LMO3: variants seen among roughly 807,000 people sequenced by gnomAD.
LMO3 encodes LIM domain only protein 3.
In LMO3, 2 loss-of-function variants were observed where a neutral mutation model predicts 15.8. That is an observed-to-expected ratio of 0.13 (90% CI 0.05 to 0.40). The LOEUF (loss-of-function observed/expected upper bound fraction) is 0.40, where lower values mean the gene tolerates loss of function less well. Ranked by LOEUF, LMO3 falls within the 10% of genes least tolerant of loss-of-function variation. The pLI is 0.99. For missense variants in LMO3, 86 were observed against 182.2 expected, an observed-to-expected ratio of 0.47 and a Z score of 3.04; for synonymous variants, 62 against 63.8, an observed-to-expected ratio of 0.97 and a Z score of 0.13.
In LMO3 at chr12:16,604,981, T is replaced by G. The variant is rs1943940342; in HGVS notation, c.-9+1085A>C. 8 of 1,597,004 alleles carry G rather than the reference T, an allele frequency of 5.0e-6. No individual in the cohort carries two copies. The South Asian group carries it at 5.5e-5, about 11-fold the overall frequency. ...AGAAGGGGGTCTCCTTGATTTCGCT[T>G]AAGTGTGGACCTGGTGCGCAGCCTA... On this transcript the variant is annotated intron_variant, in intron 1 of 3. Coordinates refer to ENST00000537304, the MANE Select transcript of LMO3 (RefSeq NM_018640.5). This position sits in a 1 kb window ranked among gnomAD's most constrained non-coding sequence, Gnocchi z 5.3.
In LMO3 at chr12:16,599,095, A is replaced by G. The variant is rs1477348059; in HGVS notation, c.206+1560T>C. 4 of 153,302 alleles carry G rather than the reference A, an allele frequency of 2.6e-5. No individual in the cohort carries two copies. The highest frequency in any genetic ancestry group is 5.8e-5 in the Non-Finnish European group (4 of 68,518). The allele number at this position is 153,302 out of a possible 1,614,324, so 9.5% of individuals were successfully genotyped here. On this transcript the variant is annotated intron_variant, in intron 2 of 3. Transcript: ENST00000537304. The surrounding 1 kb of genome is among the most constrained non-coding windows in gnomAD (Gnocchi z 4.1). ...AGCAAATACAAATGCTTTATGTGGA[A>G]ATGAGGCTCTAATTCACAATGGGCA... is the stretch of plus-strand genomic sequence containing the variant.
At chr12:16,608,246 T>C (rs1233904871), upstream of LMO3, 1 of 152,032 alleles carries the variant, frequency 6.6e-6, no homozygotes, top group Non-Finnish European at 1.5e-5. This position sits in a 1 kb window ranked among gnomAD's most constrained non-coding sequence, Gnocchi z 4.1. Context: ...GAGAAGTATG[T>C]GTGGGGAAAG....
At position 16,559,767 on chromosome 12, in the gene LMO3, A is replaced by G. The variant is rs1356347178; in HGVS notation, c.332+646T>C. Among the ~76,000 whole-genome samples the G allele has an allele frequency of 2.6e-5, 4 of 151,322 alleles. No homozygotes were observed. The highest frequency in any genetic ancestry group is 2.6e-4 in the Admixed American group (4 of 15,134). ...GGAGTTTGAGACCAGCCTGGGTAAC[A>G]TAGTGAAACTCCATCATCTCTATAA... is the stretch of plus-strand genomic sequence containing the variant. On this transcript the variant is annotated intron_variant, in intron 3 of 3. Transcript: ENST00000537304. This position sits in a 1 kb window ranked among gnomAD's most constrained non-coding sequence, Gnocchi z 4.1.
intron 2 of LMO3, among the ~76,000 whole-genome samples, chr12:16,566,036 AT>A (rs1942596616): frequency 5.8e-5 from 6 of 102,568 alleles, no homozygotes; most frequent in Non-Finnish European, 1.2e-4. Context: ...ATATATATAT[AT>A]ATAAAATGGA....
chr12:16,566,449 T>C (rs749307503), intron 2 of LMO3, among the ~76,000 whole-genome samples: 2 of 152,112 alleles, frequency 1.3e-5, no homozygotes, highest in Non-Finnish European at 2.9e-5. Flanking sequence ...TATGAGGCGA[T>C]GGGTATTTGA....
Position 16,585,854 on chromosome 12 carries a change from C to T in LMO3, c.206+14801G>A, listed in dbSNP as rs1406418145. On this transcript the variant is annotated intron_variant, in intron 2 of 3. Transcript: ENST00000537304. This position sits in a 1 kb window ranked among gnomAD's most constrained non-coding sequence, Gnocchi z 4.7. ...ACAAAGAAAAGAGGGAAAATGTCAA[C>T]ATGTATATGATTCACAGGCCCAAGT... Among the ~76,000 whole-genome samples, 1 of 152,114 alleles carries T rather than the reference C, an allele frequency of 6.6e-6. No homozygotes were observed. Among genetic ancestry groups the T allele is most frequent in the Non-Finnish European group, 1.5e-5 (1 of 68,018 alleles).
chr12:16,609,298 C>T (rs948286762), upstream of LMO3: 4 of 152,162 alleles, frequency 2.6e-5, no homozygotes, highest in Non-Finnish European at 5.9e-5. Flanking sequence ...GTTTTCCTGG[C>T]TCCCCCCAAC....
chr12:16,569,257 T>C (rs1942726368), intron 2 of LMO3, among the ~76,000 whole-genome samples: 1 of 152,198 alleles, frequency 6.6e-6, no homozygotes, highest in Admixed American at 6.5e-5. Flanking sequence ...AGAACCTATA[T>C]CCCTTATCCA....
intron 1 of LMO3, chr12:16,605,248 G>A (rs1943948999): frequency 1.6e-6 from 2 of 1,273,280 alleles, no homozygotes; most frequent in Admixed American, 7.3e-5. Context: ...ACTGTCACAT[G>A]CAGCGTTAGC....
rs1943893688 is a variant in LMO3 at position 16,603,555 on chromosome 12, T to C, written c.-9+2511A>G. 6.6e-6 allele frequency among the ~76,000 whole-genome samples: 1 copy of C among 152,158 alleles called. No individual in the cohort carries two copies. Among genetic ancestry groups the C allele is most frequent in the South Asian group, 2.1e-4 (1 of 4,822 alleles). ...TAAATTGTTCTGAGGGAAATTCTTA[T>C]TGCCTCTGAGACCCTGCCATTCTGA... On this transcript the variant is annotated intron_variant, in intron 1 of 3. Coordinates refer to ENST00000537304, the MANE Select transcript of LMO3 (RefSeq NM_018640.5). The surrounding 1 kb of genome is among the most constrained non-coding windows in gnomAD (Gnocchi z 4.9).
chr12:16,592,462 C>T (rs1335948315), intron 2 of LMO3, among the ~76,000 whole-genome samples: 1 of 151,968 alleles, frequency 6.6e-6, no homozygotes, highest in African/African-American at 2.4e-5. Flanking sequence ...TTTATAGACT[C>T]TAAAATTACA....
Position 16,606,141 on chromosome 12 carries a change from A to T in LMO3, c.-84T>A. 1 of 256,818 alleles carries T rather than the reference A, an allele frequency of 3.9e-6. No homozygotes were observed. Among genetic ancestry groups the T allele is most frequent in the Non-Finnish European group, 7.2e-6 (1 of 139,036 alleles). The allele number at this position is 256,818 out of a possible 1,614,324, so 15.9% of individuals were successfully genotyped here. ...GCTTTGTAGCGCTTCTCCTTGGGAAAGGTCAAAAAGAAGCATTGTTTGAAA... is the reference window on the plus strand; with the variant it reads ...GCTTTGTAGCGCTTCTCCTTGGGAATGGTCAAAAAGAAGCATTGTTTGAAA... On this transcript the variant is annotated 5_prime_UTR_variant, in exon 1 of 4. Coordinates refer to ENST00000537304, the MANE Select transcript of LMO3 (RefSeq NM_018640.5).
chr12:16,605,435 T>TTCCCCCCCC, intron 1 of LMO3: 4 of 382,354 alleles, frequency 1.0e-5, no homozygotes, highest in South Asian at 1.2e-4. Context: ...CCTACCCGCC[T>TTCCCCCCCC]GCCCCCCCCC....
chr12:16,595,945 T>A (rs1240945916), intron 2 of LMO3, among the ~76,000 whole-genome samples: 6 of 151,248 alleles, frequency 4.0e-5, no homozygotes, highest in African/African-American at 1.5e-4. Flanking sequence ...AAGATGACAA[T>A]GAAAGAAAAA....
chr12:16,578,668 A>T (rs1304288476), intron 2 of LMO3, among the ~76,000 whole-genome samples: 1 of 152,034 alleles, frequency 6.6e-6, no homozygotes, highest in Non-Finnish European at 1.5e-5. Flanking sequence ...AAATACAAAA[A>T]TTAGCCAGGT....
chr12:16,571,667 A>G (rs941586107), intron 2 of LMO3, among the ~76,000 whole-genome samples: 8 of 152,106 alleles, frequency 5.3e-5, no homozygotes, highest in African/African-American at 1.9e-4. Flanking sequence ...AAGGTTTCAC[A>G]ATTTCTGTTC....
At chr12:16,552,580 G>T (rs1237290794) in intron 3 of LMO3, among the ~76,000 whole-genome samples, 1 of 151,992 alleles carries the variant, frequency 6.6e-6, no homozygotes, top group South Asian at 2.1e-4. Context: ...TAGATAGAGA[G>T]GAAAATAGTG....
chr12:16,551,588 ACTT>A (rs903621592), intron 3 of LMO3, among the ~76,000 whole-genome samples: 6 of 150,742 alleles, frequency 4.0e-5, no homozygotes, highest in African/African-American at 9.8e-5. Flanking sequence ...ACCAAAGATG[ACTT>A]GCTTTTTTTT....
chr12:16,551,351 A>T (rs367723211), intron 3 of LMO3, 24 bp from the exon 4 acceptor site: 3 of 1,387,116 alleles, frequency 2.2e-6, no homozygotes, highest in Non-Finnish European at 3.1e-6. Flanking sequence ...AAACAATAAA[A>T]TGTGGTTAAG....
Sources: allele counts gnomAD v4.1 joint callset (sites outside exome capture counted in the v4.1 genomes callset), GRCh38; gene constraint gnomAD v4.1.1; non-coding constraint Gnocchi (gnomAD v3.1); transcripts MANE v1.5; gene names NCBI Gene and HGNC (gene_info 2026-07-23, HGNC 2026-07-21).